CYP4F8: variants seen among roughly 807,000 people sequenced by gnomAD.
The protein encoded by CYP4F8 is cytochrome P450 family 4 subfamily F member 8.
In CYP4F8, 56 loss-of-function variants were observed where a neutral mutation model predicts 55.0. The observed-to-expected ratio is 1.02, with a 90% CI of 0.82 to 1.27. The LOEUF (loss-of-function observed/expected upper bound fraction) is 1.27. CYP4F8 is among the 50% of genes most tolerant of loss of function. The pLI is 0.00. For missense variants in CYP4F8, 680 were observed against 682.4 expected, an observed-to-expected ratio of 1.00 and a Z score of 0.04; for synonymous variants, 288 against 267.3, an observed-to-expected ratio of 1.08 and a Z score of -0.76.
At chr19:15,616,041 C>CCCACTCACTCATTCCTCT (rs1568380825) in intron 2 of CYP4F8, among the ~76,000 whole-genome samples, 1 of 142,858 alleles carries the variant, frequency 7.0e-6, no homozygotes, top group African/African-American at 2.6e-5. Flanking sequence ...CATTCCTCTG[C>CCCACTCACTCATTCCTCT]GCACTCACTC....
At chr19:15,616,291 C>CCA (rs1972121138) in intron 2 of CYP4F8, among the ~76,000 whole-genome samples, 1 of 151,696 alleles carries the variant, frequency 6.6e-6, no homozygotes, top group Non-Finnish European at 1.5e-5. Context: ...CATTCCTCTC[C>CCA]TCGCTCACTC....
chr19:15,624,116 T>C, intron 9 of CYP4F8, 22 bp downstream of exon 9: 1 of 1,605,728 alleles, frequency 6.2e-7, no homozygotes, highest in Non-Finnish European at 8.5e-7. Context: ...TGCTGGTGGC[T>C]CTGCCTTTCT....
Position 15,619,524 on chromosome 19 carries a change from G to T in CYP4F8, c.378G>T (p.Lys126Asn). Reference protein sequence around the residue: ...AITDKDIVFYKTLKPWLGDGL... With the variant: ...AITDKDIVFYNTLKPWLGDGL... The stretch of plus-strand genomic sequence containing the variant: ...CAGACAAGGACATAGTCTTCTACAA[G>T]ACCCTGAAGCCCTGGCTGGGTAAGT... The change falls in exon 4 of 13, where the codon AAG (lysine) becomes AAT (asparagine). Residue 126 changes from lysine to asparagine, a missense_variant. Coordinates refer to ENST00000612078, the MANE Select transcript of CYP4F8 (RefSeq NM_007253.4). 6.2e-7 allele frequency: 1 copy of T among 1,614,176 alleles called. No homozygotes were observed. The highest frequency in any genetic ancestry group is 8.5e-7 in the Non-Finnish European group (1 of 1,180,020).
chr19:15,618,781 T>C (rs1183455095), intron 3 of CYP4F8: 1 of 200,240 alleles, frequency 5.0e-6, no homozygotes, highest in African/African-American at 2.3e-5. Context: ...CGATTCCTTC[T>C]AATCCCATCC....
rs1378803259 is a variant in CYP4F8, at chr19:15,622,039, C to T, written c.526-180C>T. 16 of 757,206 alleles carry T rather than the reference C, an allele frequency of 2.1e-5. No homozygotes were observed. The Admixed American group carries it at 4.7e-4, about 22-fold the overall frequency. 46.9% of individuals were successfully genotyped at this position (757,206 alleles called of 1,614,324 possible). A position where few individuals can be genotyped will look rare whatever the true frequency, so the allele number is the denominator to read the frequency against. The stretch of plus-strand genomic sequence containing the variant: ...TGGGGCTTGAACCCAGCCATGGGAT[C>T]TTCATCTCCTAATAGTAACAGCTTC... On this transcript the variant is annotated intron_variant, in intron 5 of 12. Transcript: ENST00000612078.
intron 6 of CYP4F8, chr19:15,622,885 G>A (rs750410271): frequency 3.4e-6 from 2 of 592,630 alleles, no homozygotes; most frequent in East Asian, 5.7e-5. Context: ...AGGAGCAGAT[G>A]TTTTATAAGA....
chr19:15,628,148 T>G, intron 9 of CYP4F8, 154 bp from the exon 10 acceptor site: 1 of 1,132,720 alleles, frequency 8.8e-7, no homozygotes, highest in Non-Finnish European at 1.2e-6. Context: ...TTCTAGTAGT[T>G]TTGTGACTTT....
chr19:15,625,336 ATATATATATAGTG>A (rs1034179668), intron 9 of CYP4F8, among the ~76,000 whole-genome samples: 4 of 148,152 alleles, frequency 2.7e-5, no homozygotes, highest in African/African-American at 9.8e-5. Context: ...GTGTGTATAT[ATATATATATAGTG>A]TATATATATA....
chr19:15,629,270 T>C lies in CYP4F8; in HGVS notation c.1475T>C (p.Leu492Pro). 1.2e-6 allele frequency: 2 copies of C among 1,613,526 alleles called. No homozygotes were observed. Among genetic ancestry groups the C allele is most frequent in the Non-Finnish European group, 1.7e-6 (2 of 1,179,736 alleles). ...CTCACGCTGCTGCGCTTCCGCATCC[T>C]GCCCGACCACAGGGAGCCACGCAGG... ...LALTLLRFRI[L>P]PDHREPRRTP... The change falls in exon 13 of 13, where the codon CTG becomes CCG. Residue 492 changes from leucine (L) to proline (P), a missense_variant. Physicochemically the swap from Leu to Pro is moderately conservative, Grantham distance 98. Transcript: ENST00000612078.
Position 15,629,780 on chromosome 19 carries a change from G to T in CYP4F8, c.*422G>T, listed in dbSNP as rs1972312903. ...TTAAGTGACTGTGGCTGTCCCATGT[G>T]TAGAAGCCAAAGATTATGTGGTAAT... On this transcript the variant is annotated 3_prime_UTR_variant, in exon 13 of 13. Transcript: ENST00000612078. The T allele has an allele frequency of 6.3e-6, 1 of 158,518 alleles. No homozygotes were observed. 9.8% of individuals were successfully genotyped at this position (158,518 alleles called of 1,614,324 possible).
Position 15,624,114 on chromosome 19 carries a change from G to A in CYP4F8, c.1115+20G>A. 6.2e-7 allele frequency: 1 copy of A among 1,609,490 alleles called. No homozygotes were observed. The highest frequency in any genetic ancestry group is 8.5e-7 in the Non-Finnish European group (1 of 1,176,654). On this transcript the variant is annotated intron_variant, in intron 9 of 12. Transcript: ENST00000612078. ...TGAATGGTGAGTGCAGGTGCTGGTG[G>A]CTCTGCCTTTCTGCCTTTCTGAGTC... is the stretch of plus-strand genomic sequence containing the variant.
chr19:15,622,807 A>G, intron 6 of CYP4F8: 1 of 471,664 alleles, frequency 2.1e-6, no homozygotes, highest in Non-Finnish European at 3.9e-6. Context: ...CAAGGATGCC[A>G]GGGAGAGGAG....
In CYP4F8 at chr19:15,619,656, T is replaced by A; in HGVS notation, c.419T>A (p.Val140Asp). ...PWLGDGLLLS[V>D]GDKWRHHRRL... ...CTAGGGGATGGGCTCTTGTTAAGTG[T>A]TGGTGACAAGTGGAGACACCACCGT... The change falls in exon 5 of 13, where the codon GTT becomes GAT. Residue 140 changes from valine (V) to aspartate (D), a missense_variant. Transcript: ENST00000612078. 1 of 1,614,206 alleles carries A rather than the reference T, an allele frequency of 6.2e-7. No homozygotes were observed.
At chr19:15,628,489 G>T (rs1211447730) in intron 10 of CYP4F8, 42 bp from the exon 11 acceptor site, 1 of 1,613,366 alleles carries the variant, frequency 6.2e-7, no homozygotes, top group East Asian at 2.2e-5. Context: ...GTCCCAGCAG[G>T]CAGCTCGGAC....
intron 11 of CYP4F8, 34 bp downstream of exon 11, chr19:15,628,629 C>G: frequency 6.2e-7 from 1 of 1,610,536 alleles, no homozygotes; most frequent in Non-Finnish European, 8.5e-7. Context: ...ATCCCCCGGG[C>G]CTGGTCGGGG....
intron 9 of CYP4F8, among the ~76,000 whole-genome samples, chr19:15,625,085 A>G (rs1269362628): frequency 4.0e-5 from 6 of 151,876 alleles, no homozygotes; most frequent in African/African-American, 1.2e-4. Flanking sequence ...AAATATTTAA[A>G]AACCATTTTA....
chr19:15,622,215 C>T lies in CYP4F8; in HGVS notation c.526-4C>T, dbSNP rs966161164. On this transcript the variant is annotated splice_region_variant and splice_polypyrimidine_tract_variant and intron_variant, in intron 5 of 12. Coordinates refer to ENST00000612078, the MANE Select transcript of CYP4F8 (RefSeq NM_007253.4). ...GCCCCAGCCCTGCTCCCTTCTCTGG[C>T]CAGGCCAAGTGGCAACGCCTGGCCA... is the stretch of plus-strand genomic sequence containing the variant. 3.1e-6 allele frequency: 5 copies of T among 1,612,706 alleles called. No individual in the cohort carries two copies. The highest frequency in any genetic ancestry group is 4.2e-6 in the Non-Finnish European group (5 of 1,179,350).
intron 9 of CYP4F8, 182 bp from the exon 10 acceptor site, chr19:15,628,120 A>G: frequency 1.2e-6 from 1 of 855,494 alleles, no homozygotes; most frequent in Non-Finnish European, 1.8e-6. Context: ...ACCTCTAAAA[A>G]CACCAGGTCA....
intron 3 of CYP4F8, chr19:15,618,485 T>TAGGCTGTGACAGAGC: frequency 2.5e-6 from 1 of 402,658 alleles, no homozygotes; most frequent in Non-Finnish European, 4.7e-6. Flanking sequence ...CAGGAGGAGA[T>TAGGCTGTGACAGAGC]AGGCTGTGAC....
Sources: gnomAD v4.1 joint callset for allele counts (sites outside exome capture counted in the v4.1 genomes callset) on GRCh38, gnomAD v4.1.1 for gene constraint, MANE v1.5 for transcripts, NCBI Gene and HGNC (gene_info 2026-07-23, HGNC 2026-07-21) for gene names.